The following THTPA variants were observed in gnomAD, a reference collection of about 807,000 sequenced individuals.
THTPA encodes the protein thiamine-triphosphatase.
In THTPA, 16 loss-of-function variants were observed where a neutral mutation model predicts 16.5. The ratio of observed to expected loss-of-function variants is 0.97; its 90% CI spans 0.66 to 1.47. THTPA has a LOEUF of 1.47. Among genes scored for constraint, THTPA ranks in the 40% most tolerant of loss-of-function variants. THTPA has a pLI of 0.00. For synonymous variants in THTPA, 110 were observed against 115.5 expected (o/e 0.95, Z 0.30); for missense variants, 281 against 280.9 (o/e 1.00, Z 0.00).
chr14:23,552,848 G>A (rs563871662), upstream of THTPA, among the ~76,000 whole-genome samples: 46 of 151,556 alleles, frequency 3.0e-4, no homozygotes, highest in Admixed American at 8.5e-4. Context: ...GTGATCCACC[G>A]GCCTCAGCCT....
chr14:23,536,552 T>C, the THTPA span, among the ~76,000 whole-genome samples: 1 of 152,174 alleles, frequency 6.6e-6, no homozygotes, highest in African/African-American at 2.4e-5. Context: ...GTAATAGTAA[T>C]AATATTACTA....
chr14:23,544,707 G>A, the THTPA span, among the ~76,000 whole-genome samples: 3 of 152,118 alleles, frequency 2.0e-5, no homozygotes, highest in Non-Finnish European at 4.4e-5. Flanking sequence ...GTGTGATCTC[G>A]TTACACTCTC....
the THTPA span, among the ~76,000 whole-genome samples, chr14:23,535,960 A>ATTTATCCAGTGGCTT: frequency 6.6e-6 from 1 of 152,196 alleles, no homozygotes; most frequent in Non-Finnish European, 1.5e-5. The surrounding 1 kb of genome is among the most constrained non-coding windows in gnomAD (Gnocchi z 4.5). Context: ...TGGTACCAAC[A>ATTTATCCAGTGGCTT]TTTATCCAGT....
chr14:23,531,613 G>A, the THTPA span: 43 of 1,524,068 alleles, frequency 2.8e-5, no homozygotes, highest in African/African-American at 4.1e-5. Flanking sequence ...GCAGGTGTGC[G>A]CAGGTGTTGC....
chr14:23,535,242 G>C, the THTPA span: 1 of 1,515,726 alleles, frequency 6.6e-7, no homozygotes, highest in Admixed American at 2.0e-5. The surrounding 1 kb of genome is among the most constrained non-coding windows in gnomAD (Gnocchi z 4.5). Context: ...TGCTGGAGGA[G>C]AAGGTGTCCG....
the THTPA span, among the ~76,000 whole-genome samples, chr14:23,512,446 T>G: frequency 6.6e-6 from 1 of 151,784 alleles, no homozygotes; most frequent in African/African-American, 2.4e-5. Flanking sequence ...TCTATTTGAA[T>G]CTGCTCCGGA....
the THTPA span, chr14:23,529,791 T>C: frequency 6.5e-7 from 1 of 1,535,238 alleles, no homozygotes; most frequent in Non-Finnish European, 8.7e-7. Flanking sequence ...GAAGAGGAGA[T>C]TAAGGAACCC....
chr14:23,523,348 G>C, the THTPA span: 2 of 1,468,244 alleles, frequency 1.4e-6, no homozygotes, highest in Non-Finnish European at 1.8e-6. This position sits in a 1 kb window ranked among gnomAD's most constrained non-coding sequence, Gnocchi z 4.1. Flanking sequence ...TGAGAGCTGG[G>C]GGAGCCTCAG....
At position 23,559,941 on chromosome 14, in the gene THTPA, G is replaced by C; in HGVS notation, c.*1101G>C. ...TGGGGGAACTCCTGAAGCTCACCTT[G>C]TTAGGATTGAGGATTCTGAAGAGCT... On this transcript the variant is annotated 3_prime_UTR_variant, in exon 2 of 2. Transcript: ENST00000288014. 1.2e-6 allele frequency: 2 copies of C among 1,612,958 alleles called. No homozygotes were observed. Among genetic ancestry groups the C allele is most frequent in the Non-Finnish European group, 1.7e-6 (2 of 1,179,196 alleles).
chr14:23,526,346 G>C, the THTPA span: 1 of 1,536,280 alleles, frequency 6.5e-7, no homozygotes, highest in Non-Finnish European at 8.7e-7. Context: ...CTGGGTGAAG[G>C]ACTCCTTACA....
chr14:23,533,035 C>T, the THTPA span: 1 of 1,535,522 alleles, frequency 6.5e-7, no homozygotes, highest in African/African-American at 1.4e-5. The surrounding 1 kb of genome is among the most constrained non-coding windows in gnomAD (Gnocchi z 4.8). Flanking sequence ...ATGAGGAACC[C>T]AGGAGCTGAC....
At chr14:23,546,888 C>A in the THTPA span, among the ~76,000 whole-genome samples, 1 of 152,192 alleles carries the variant, frequency 6.6e-6, no homozygotes, top group African/African-American at 2.4e-5. This position sits in a 1 kb window ranked among gnomAD's most constrained non-coding sequence, Gnocchi z 4.7. Context: ...CCCACCAGCC[C>A]CTTCTTTAGC....
At chr14:23,517,785 C>G in the THTPA span, among the ~76,000 whole-genome samples, 2,396 of 152,184 alleles carry the variant, frequency 0.016, 40 homozygotes, top group African/African-American at 0.037. Flanking sequence ...CCCCCTGTCC[C>G]CTCTTGACTG....
chr14:23,530,207 G>T, the THTPA span: 6 of 1,521,928 alleles, frequency 3.9e-6, no homozygotes, highest in African/African-American at 4.1e-5. Context: ...GTGTAGGATG[G>T]GGGGAGAGTC....
chr14:23,530,698 C>G, the THTPA span: 1 of 336,098 alleles, frequency 3.0e-6, no homozygotes, highest in East Asian at 8.3e-5. Context: ...GTTAAAGTTC[C>G]TTAACTCCAT....
chr14:23,537,214 G>A, the THTPA span, among the ~76,000 whole-genome samples: 2 of 151,236 alleles, frequency 1.3e-5, no homozygotes, highest in African/African-American at 2.4e-5. Context: ...TGACAGAAGC[G>A]CCAAGGCTCC....
chr14:23,560,187 C>T lies in THTPA; in HGVS notation c.*1347C>T, dbSNP rs2139046534. On this transcript the variant is annotated 3_prime_UTR_variant, in exon 2 of 2. Coordinates refer to ENST00000288014, the MANE Select transcript of THTPA (RefSeq NM_024328.6). ...CCCATCTCACACTGTCTCCCACCCA[C>T]CTCCTCCACTTAGTGGCCTTTTCTC... The T allele has an allele frequency of 9.5e-6, 15 of 1,574,320 alleles. No homozygotes were observed. The highest frequency in any genetic ancestry group is 1.3e-5 in the Non-Finnish European group (15 of 1,151,738).
At chr14:23,517,193 T>A in the THTPA span, among the ~76,000 whole-genome samples, 3 of 152,218 alleles carry the variant, frequency 2.0e-5, no homozygotes, top group Admixed American at 2.0e-4. Flanking sequence ...GTTCCATATA[T>A]GAAGGAGCGT....
the THTPA span, among the ~76,000 whole-genome samples, chr14:23,520,669 T>C: frequency 0.14 from 20,861 of 151,924 alleles, 4,755 homozygotes; most frequent in African/African-American, 0.47. This position sits in a 1 kb window ranked among gnomAD's most constrained non-coding sequence, Gnocchi z 8.7. Flanking sequence ...GCTCCCACCT[T>C]GGAGGCTGCG....
Sources: allele counts gnomAD v4.1 joint callset (sites outside exome capture counted in the v4.1 genomes callset), GRCh38; gene constraint gnomAD v4.1.1; non-coding constraint Gnocchi (gnomAD v3.1); transcripts MANE v1.5; gene names NCBI Gene and HGNC (gene_info 2026-07-23, HGNC 2026-07-21).